Variants in SEC14L1 observed in about 807,000 individuals in gnomAD.
The protein encoded by SEC14L1 is SEC14 like lipid binding 1, also known as SEC14-like protein 1.
Under a neutral mutation model 85.3 loss-of-function variants are expected in SEC14L1, and 48 were observed. The observed-to-expected ratio is 0.56, with a 90% CI of 0.45 to 0.72. SEC14L1 has a LOEUF of 0.72. SEC14L1 is among the 30% of genes least tolerant of loss of function. The probability of loss-of-function intolerance (pLI) is 0.00; values close to 1 mark genes in which losing one functional copy is unlikely to be tolerated. For missense variants in SEC14L1, 682 were observed against 921.4 expected (o/e 0.74, Z 3.36); for synonymous variants, 391 against 355.5 (o/e 1.10, Z -1.12).
chr17:77,117,626 C>A (rs975112821), intron 3 of SEC14L1, among the ~76,000 whole-genome samples: 1 of 152,124 alleles, frequency 6.6e-6, no homozygotes, highest in Non-Finnish European at 1.5e-5. Context: ...ATGAATTGCT[C>A]AAGAAAACCC....
rs186286425 is a variant in SEC14L1 at position 77,132,870 on chromosome 17, T to G, written c.-135-9776T>G. ...ATCCTCCTTTTTTTTTTTTCTTTTT[T>G]CTTTTTTTTTGAGACAGAGTCTCAC... On this transcript the variant is annotated intron_variant, in intron 3 of 19. Coordinates refer to the SEC14L1 transcript ENST00000392476. 1.3e-3 allele frequency among the ~76,000 whole-genome samples: 200 copies of G among 151,184 alleles called. 1 individual carries two copies. The highest frequency in any genetic ancestry group is 4.4e-3 in the African/African-American group (182 of 41,180).
chr17:77,150,647 G>C (rs992491308), intron 3 of SEC14L1, among the ~76,000 whole-genome samples: 1 of 152,186 alleles, frequency 6.6e-6, no homozygotes, highest in Non-Finnish European at 1.5e-5. Context: ...AGTGCGAAAT[G>C]CCCGAGGGAG....
intron 3 of SEC14L1, among the ~76,000 whole-genome samples, chr17:77,118,115 T>C (rs1025586058): frequency 1.3e-5 from 2 of 152,262 alleles, no homozygotes; most frequent in African/African-American, 2.4e-5. Context: ...ATGCTGTTCA[T>C]GCCAGTGTCC....
intron 3 of SEC14L1, chr17:77,128,093 T>C (rs147596183): frequency 2.0e-5 from 3 of 152,346 alleles, no homozygotes; most frequent in Admixed American, 6.5e-5. Context: ...TCGTGGTAAT[T>C]TCTTGGAACA....
chr17:77,204,522 C>CATTTTTT (rs1555628453), intron 10 of SEC14L1, among the ~76,000 whole-genome samples: 1 of 84,728 alleles, frequency 1.2e-5, no homozygotes, highest in African/African-American at 4.0e-5. Context: ...GCCCAGCCAG[C>CATTTTTT]TTTTTTTTTT....
At chr17:77,207,361 G>T (rs1392757156) in intron 13 of SEC14L1, among the ~76,000 whole-genome samples, 1 of 152,074 alleles carries the variant, frequency 6.6e-6, no homozygotes, top group Non-Finnish European at 1.5e-5. Flanking sequence ...CACCCAAGTA[G>T]CTGGGACTGT....
At chr17:77,130,007 A>G (rs1385076935) in intron 3 of SEC14L1, 1 of 152,170 alleles carries the variant, frequency 6.6e-6, no homozygotes, top group Admixed American at 6.5e-5. Context: ...TGAAACAAAC[A>G]AGCCAAAAAG....
chr17:77,100,728 C>T (rs989272930), intron 3 of SEC14L1, among the ~76,000 whole-genome samples: 1 of 152,022 alleles, frequency 6.6e-6, no homozygotes, highest in Admixed American at 6.6e-5. Context: ...TGAGCCACCG[C>T]GCCCAGCCTG....
At chr17:77,209,838 GCTA>G (rs1423172238) in intron 14 of SEC14L1, 1 of 170,166 alleles carries the variant, frequency 5.9e-6, no homozygotes, top group African/African-American at 2.4e-5. Flanking sequence ...AGTTTCATGT[GCTA>G]CTTTTTCTTT....
intron 4 of SEC14L1, 23 bp from the exon 5 acceptor site, chr17:77,191,158 T>A: frequency 6.2e-7 from 1 of 1,604,808 alleles, no homozygotes; most frequent in Non-Finnish European, 8.5e-7. Context: ...ATAAACCCAT[T>A]TCTCTTTCTT....
At position 77,213,648 on chromosome 17, in the gene SEC14L1, C is replaced by T. The variant is rs142403257; in HGVS notation, c.2042+156C>T. The T allele has an allele frequency of 4.5e-4, 421 of 932,576 alleles. No homozygotes were observed. The highest frequency in any genetic ancestry group is 6.0e-4 in the Non-Finnish European group (355 of 595,484). 57.8% of individuals were successfully genotyped at this position (932,576 alleles called of 1,614,324 possible). On this transcript the variant is annotated intron_variant, in intron 16 of 16. Coordinates refer to ENST00000436233, the MANE Select transcript of SEC14L1 (RefSeq NM_001143998.2). The surrounding 1 kb of genome is among the most constrained non-coding windows in gnomAD (Gnocchi z 7.1). Reference sequence around the variant, plus strand: ...GTGGCTTTGGGGTCATTTGTTGGCACGGTGACTCCCTGCCTGTCTGCAGAG... The same window carrying T: ...GTGGCTTTGGGGTCATTTGTTGGCATGGTGACTCCCTGCCTGTCTGCAGAG...
At chr17:77,167,818 A>G (rs1974351130) in intron 3 of SEC14L1, among the ~76,000 whole-genome samples, 1 of 152,204 alleles carries the variant, frequency 6.6e-6, no homozygotes, top group South Asian at 2.1e-4. Context: ...AAGGCAAGAG[A>G]GTTCTTTGTG....
intron 3 of SEC14L1, among the ~76,000 whole-genome samples, chr17:77,107,333 G>A (rs1346445086): frequency 6.6e-6 from 1 of 152,192 alleles, no homozygotes; most frequent in Non-Finnish European, 1.5e-5. Flanking sequence ...AGACAGGGAT[G>A]GAGGCTCAGG....
chr17:77,215,629 T>G lies in SEC14L1; in HGVS notation c.*1606T>G. 2.0e-6 allele frequency: 2 copies of G among 990,506 alleles called. No homozygotes were observed. The highest frequency in any genetic ancestry group is 2.4e-6 in the Non-Finnish European group (2 of 832,226). 61.4% of individuals were successfully genotyped at this position (990,506 alleles called of 1,614,324 possible). ...AGACGTCCCAGGGCCTGTGCTGTGA[T>G]CACCTGCCTTTGGACCACATTTGTG... On this transcript the variant is annotated 3_prime_UTR_variant, in exon 17 of 17. Coordinates refer to ENST00000436233, the MANE Select transcript of SEC14L1 (RefSeq NM_001143998.2).
At chr17:77,163,715 G>T (rs1974165921) in intron 3 of SEC14L1, among the ~76,000 whole-genome samples, 1 of 152,190 alleles carries the variant, frequency 6.6e-6, no homozygotes, top group African/African-American at 2.4e-5. Flanking sequence ...CAAAGGAGCG[G>T]CTCGCAGCGG....
chr17:77,146,066 C>T (rs1249325272), intron 3 of SEC14L1, among the ~76,000 whole-genome samples: 1 of 152,182 alleles, frequency 6.6e-6, no homozygotes, highest in Non-Finnish European at 1.5e-5. Context: ...CTAGTTCATT[C>T]CCCACCCCGA....
chr17:77,091,016 G>A (rs1971503209), intron 2 of SEC14L1, among the ~76,000 whole-genome samples: 1 of 151,426 alleles, frequency 6.6e-6, no homozygotes, highest in Admixed American at 6.6e-5. Flanking sequence ...ACAGGGCCTT[G>A]CGGCTCAGGC....
intron 3 of SEC14L1, among the ~76,000 whole-genome samples, chr17:77,155,232 A>G (rs1196319921): frequency 6.6e-6 from 1 of 151,962 alleles, no homozygotes; most frequent in Non-Finnish European, 1.5e-5. Flanking sequence ...TCTCCATTTC[A>G]CTGTCCCAGG....
intron 3 of SEC14L1, among the ~76,000 whole-genome samples, chr17:77,152,866 T>C (rs1973625976): frequency 6.6e-6 from 1 of 152,236 alleles, no homozygotes; most frequent in Non-Finnish European, 1.5e-5. Flanking sequence ...TTCTTGGGTC[T>C]CCTTTATTCT....
Sources: gnomAD v4.1 joint callset for allele counts (sites outside exome capture counted in the v4.1 genomes callset) on GRCh38, gnomAD v4.1.1 for gene constraint, Gnocchi (gnomAD v3.1) non-coding constraint, MANE v1.5 for transcripts, NCBI Gene and HGNC (gene_info 2026-07-23, HGNC 2026-07-21) for gene names.